CADPS: variants seen among roughly 807,000 people sequenced by gnomAD.
The protein encoded by CADPS is calcium-dependent secretion activator 1.
In CADPS, 57 loss-of-function variants were observed where a neutral mutation model predicts 167.3. That is an observed-to-expected ratio of 0.34 (90% CI 0.28 to 0.42). The LOEUF (loss-of-function observed/expected upper bound fraction) is 0.42. CADPS is among the 20% of genes least tolerant of loss of function. CADPS has a pLI of 1.00. For missense variants in CADPS, 1,414 were observed against 1,738.1 expected, an observed-to-expected ratio of 0.81 and a Z score of 3.32; for synonymous variants, 676 against 635.3, an observed-to-expected ratio of 1.06 and a Z score of -0.96.
At chr3:62,714,740 C>A (rs139858773) in intron 3 of CADPS, among the ~76,000 whole-genome samples, 1 of 152,242 alleles carries the variant, frequency 6.6e-6, no homozygotes, top group Admixed American at 6.5e-5. Flanking sequence ...CAAAATATTA[C>A]TGTCATTTTA....
intron 6 of CADPS, among the ~76,000 whole-genome samples, chr3:62,612,979 A>G (rs1334735135): frequency 3.3e-5 from 5 of 152,190 alleles, no homozygotes; most frequent in Non-Finnish European, 2.9e-5. Context: ...AAATAAACAA[A>G]CAAGAATGAC....
rs532422453 is a variant in CADPS, at chr3:62,651,210, C to T, written c.970-130G>A. The T allele has an allele frequency of 7.9e-5, 52 of 655,896 alleles. 1 individual carries two copies. The Middle Eastern group carries it at 8.7e-4, about 11-fold the overall frequency. The allele number at this position is 655,896 out of a possible 1,614,324, so 40.6% of individuals were successfully genotyped here. A position where few individuals can be genotyped will look rare whatever the true frequency, so the allele number is the denominator to read the frequency against. On this transcript the variant is annotated intron_variant, in intron 4 of 29. Coordinates refer to ENST00000383710, the MANE Select transcript of CADPS (RefSeq NM_003716.4). Reference sequence around the variant, plus strand: ...GTGAAATTCACCCAGATCTCATGGCCTTGTGCTAGAAAAATGTTCAGCCTA... The same window carrying T: ...GTGAAATTCACCCAGATCTCATGGCTTTGTGCTAGAAAAATGTTCAGCCTA...
chr3:62,408,379 A>AT (rs2048310687), intron 28 of CADPS, among the ~76,000 whole-genome samples: 1 of 152,120 alleles, frequency 6.6e-6, no homozygotes, highest in Admixed American at 6.5e-5. Context: ...TGGTTACTAT[A>AT]TTTTTTGGTT....
intron 1 of CADPS, among the ~76,000 whole-genome samples, chr3:62,826,266 G>C (rs535505727): frequency 2.0e-5 from 3 of 152,162 alleles, no homozygotes; most frequent in Non-Finnish European, 4.4e-5. Flanking sequence ...GAAGTTAGGA[G>C]AGGGGTTTGT....
At chr3:62,453,286 T>C (rs2058298587) in intron 26 of CADPS, among the ~76,000 whole-genome samples, 1 of 152,192 alleles carries the variant, frequency 6.6e-6, no homozygotes, top group African/African-American at 2.4e-5. Context: ...TGAATGTTTC[T>C]GTACTGTTTC....
chr3:62,702,493 A>G (rs2151579949), intron 3 of CADPS, among the ~76,000 whole-genome samples: 1 of 152,246 alleles, frequency 6.6e-6, no homozygotes, highest in Non-Finnish European at 1.5e-5. Flanking sequence ...GTTGAGCAGT[A>G]TCATCAAGGA....
At chr3:62,663,862 A>G (rs1034108819) in intron 3 of CADPS, among the ~76,000 whole-genome samples, 1 of 152,130 alleles carries the variant, frequency 6.6e-6, no homozygotes, top group Non-Finnish European at 1.5e-5. Flanking sequence ...ACAGTTTGGG[A>G]GAAGGACTTT....
chr3:62,628,963 T>C (rs1299310029), intron 6 of CADPS, among the ~76,000 whole-genome samples: 1 of 152,098 alleles, frequency 6.6e-6, no homozygotes, highest in Non-Finnish European at 1.5e-5. Flanking sequence ...AAAACATCTA[T>C]TTTTCTTCAC....
At chr3:62,873,902 A>T (rs1231249452) in intron 1 of CADPS, among the ~76,000 whole-genome samples, 5 of 152,128 alleles carry the variant, frequency 3.3e-5, no homozygotes, top group Admixed American at 3.3e-4. Flanking sequence ...AGGAAGGGTC[A>T]GGGGGACTGG....
intron 1 of CADPS, among the ~76,000 whole-genome samples, chr3:62,774,714 G>A (rs1031162431): frequency 2.0e-5 from 3 of 152,160 alleles, no homozygotes; most frequent in Admixed American, 2.0e-4. Context: ...GATGAGTAGA[G>A]GACAGTTAGA....
At chr3:62,762,618 T>G (rs150538216) in intron 2 of CADPS, among the ~76,000 whole-genome samples, 2 of 140,794 alleles carry the variant, frequency 1.4e-5, no homozygotes, top group East Asian at 4.2e-4. Context: ...ATTATATGAC[T>G]GCACTCCAGC....
rs548655763 is a variant in CADPS, at chr3:62,671,110, C to T, written c.889-8716G>A. On this transcript the variant is annotated intron_variant, in intron 3 of 29. Transcript: ENST00000383710. ...CTTATTTGCAAAGTGGGAGTCCTAA[C>T]AGTAACAATGCCAACAGCAGAGGCT... is the stretch of plus-strand genomic sequence containing the variant. Among the ~76,000 whole-genome samples, 9 of 152,242 alleles carry T rather than the reference C, an allele frequency of 5.9e-5. No individual in the cohort carries two copies. In the East Asian group the frequency reaches 1.7e-3, roughly 29 times the overall value.
rs1032623864 is a variant in CADPS, at chr3:62,485,005, A to C, written c.3027-3136T>G. Among the ~76,000 whole-genome samples the C allele has an allele frequency of 3.3e-5, 5 of 152,266 alleles. No homozygotes were observed. The East Asian group carries it at 7.7e-4, about 24-fold the overall frequency. On this transcript the variant is annotated intron_variant, in intron 21 of 29. Transcript: ENST00000383710. ...ATTCTCTAATATCTTCCTAGAATCT[A>C]GAGCAGTATTTTACAATCTTTTACT...
At position 62,740,477 on chromosome 3, in the gene CADPS, T is replaced by G. The variant is rs986320462; in HGVS notation, c.888+12964A>C. Among the ~76,000 whole-genome samples the G allele has an allele frequency of 2.6e-5, 4 of 152,332 alleles. No homozygotes were observed. In the East Asian group the frequency reaches 7.7e-4, roughly 29 times the overall value. Reference sequence around the variant, plus strand: ...TTATTTCATTCAACCACATTACACTTATGATACAAATTTGTCTCTACTTTG... The same window carrying G: ...TTATTTCATTCAACCACATTACACTGATGATACAAATTTGTCTCTACTTTG... On this transcript the variant is annotated intron_variant, in intron 3 of 29. Transcript: ENST00000383710.
chr3:62,793,068 G>A (rs572396047), intron 1 of CADPS, among the ~76,000 whole-genome samples: 62 of 152,068 alleles, frequency 4.1e-4, no homozygotes, highest in Non-Finnish European at 7.6e-4. Flanking sequence ...ATGAATGACC[G>A]TTTAAAAAAC....
In CADPS at chr3:62,710,402, TA is replaced by T. The variant is rs139289931; in HGVS notation, c.888+43038del. On this transcript the variant is annotated intron_variant, in intron 3 of 29. Coordinates refer to ENST00000383710, the MANE Select transcript of CADPS (RefSeq NM_003716.4). ...TTTTTTTAAAAAGTTGAGATATAAT[TA>T]AAAAAAAAATCTGAGATAAACCTTG... Among the ~76,000 whole-genome samples the T allele has an allele frequency of 1.7e-3, 257 of 149,776 alleles. 1 individual carries two copies. The highest frequency in any genetic ancestry group is 1.8e-3 in the East Asian group (9 of 5,106).
intron 6 of CADPS, among the ~76,000 whole-genome samples, chr3:62,624,573 G>A (rs1032489476): frequency 1.3e-5 from 2 of 151,958 alleles, no homozygotes; most frequent in African/African-American, 4.8e-5. Flanking sequence ...CTGGTTAAGA[G>A]ATTAAGTTGC....
intron 13 of CADPS, chr3:62,530,613 A>G: frequency 8.2e-7 from 1 of 1,214,120 alleles, no homozygotes; most frequent in Non-Finnish European, 1.1e-6. Flanking sequence ...GAAAGGGTAA[A>G]GATATTACAA....
At chr3:62,564,755 T>C (rs2079825112) in intron 9 of CADPS, among the ~76,000 whole-genome samples, 1 of 151,854 alleles carries the variant, frequency 6.6e-6, no homozygotes, top group Non-Finnish European at 1.5e-5. Context: ...TACAGGCACA[T>C]GCCACCATGC....
Sources: gnomAD v4.1 joint callset for allele counts (sites outside exome capture counted in the v4.1 genomes callset) on GRCh38, gnomAD v4.1.1 for gene constraint, MANE v1.5 for transcripts, NCBI Gene and HGNC (gene_info 2026-07-23, HGNC 2026-07-21) for gene names.